Variants in GNG4 observed in about 807,000 individuals in gnomAD.
GNG4 encodes the protein guanine nucleotide-binding protein G(I)/G(S)/G(O) subunit gamma-4.
In GNG4, 4 loss-of-function variants were observed where a neutral mutation model predicts 5.8. The ratio of observed to expected loss-of-function variants is 0.69; its 90% CI spans 0.34 to 1.57. The LOEUF is 1.57. GNG4 is among the 40% of genes most tolerant of loss of function. The pLI is 0.06. For synonymous variants in GNG4, 29 were observed against 32.9 expected (o/e 0.88, Z 0.41); for missense variants, 96 against 95.1 (o/e 1.01, Z -0.04).
At chr1:235,602,796 G>A (rs1488677748) in intron 1 of GNG4, among the ~76,000 whole-genome samples, 2 of 152,148 alleles carry the variant, frequency 1.3e-5, no homozygotes, top group African/African-American at 4.8e-5. Context: ...CAACATTCAG[G>A]CTGGGTTCTC....
intron 1 of GNG4, among the ~76,000 whole-genome samples, chr1:235,624,047 G>T (rs147117561): frequency 6.6e-6 from 1 of 152,106 alleles, no homozygotes. Flanking sequence ...CCTGAAGAGC[G>T]TGGCTCTAGC....
chr1:235,597,588 CTG>C (rs386417904), intron 1 of GNG4, among the ~76,000 whole-genome samples: 1,796 of 74,138 alleles, frequency 0.024, 43 homozygotes, highest in East Asian at 0.053. Flanking sequence ...AACTTGTTTG[CTG>C]TGTGTGTGTG....
chr1:235,631,224 G>C (rs1688925584), intron 1 of GNG4, among the ~76,000 whole-genome samples: 1 of 152,116 alleles, frequency 6.6e-6, no homozygotes, highest in African/African-American at 2.4e-5. Flanking sequence ...AACTGATCAA[G>C]TATTTTTTCT....
chr1:235,613,037 C>T (rs1424222024), intron 1 of GNG4, among the ~76,000 whole-genome samples: 4 of 151,832 alleles, frequency 2.6e-5, no homozygotes, highest in Non-Finnish European at 1.5e-5. Context: ...GCTCTGCCCC[C>T]ATGATCTAAT....
At chr1:235,624,011 G>A (rs542952828) in intron 1 of GNG4, among the ~76,000 whole-genome samples, 1 of 152,286 alleles carries the variant, frequency 6.6e-6, no homozygotes, top group South Asian at 2.1e-4. Flanking sequence ...CCTTTGCCTG[G>A]CCAGAGTACA....
chr1:235,582,749 G>A (rs1687667828), intron 3 of GNG4, among the ~76,000 whole-genome samples: 1 of 152,308 alleles, frequency 6.6e-6, no homozygotes, highest in Admixed American at 6.5e-5. Flanking sequence ...CTAGTAACAT[G>A]GGTCCGGTGA....
chr1:235,643,146 C>T (rs1657386753), intron 1 of GNG4, among the ~76,000 whole-genome samples: 1 of 152,214 alleles, frequency 6.6e-6, no homozygotes, highest in African/African-American at 2.4e-5. Flanking sequence ...GTGGGGCCTG[C>T]TGCTTCCTGC....
rs1686628797 is a variant in GNG4, at chr1:235,548,122, G to A, written c.*3987C>T. ...TTCCTGTTCGGGGTTATTATGGAGA[G>A]TGTTTTTGTGAAGATTTAGAGCATG... On this transcript the variant is annotated 3_prime_UTR_variant, in exon 4 of 4. Coordinates refer to ENST00000391854, the MANE Select transcript of GNG4 (RefSeq NM_001098722.2). 1 of 152,178 alleles carries A rather than the reference G, an allele frequency of 6.6e-6. No homozygotes were observed. The highest frequency in any genetic ancestry group is 2.4e-5 in the African/African-American group (1 of 41,406). The allele number at this position is 152,178 out of a possible 1,614,324, so 9.4% of individuals were successfully genotyped here. A position where few individuals can be genotyped will look rare whatever the true frequency, so the allele number is the denominator to read the frequency against.
At chr1:235,627,924 T>A (rs1388131946) in intron 1 of GNG4, among the ~76,000 whole-genome samples, 1 of 152,212 alleles carries the variant, frequency 6.6e-6, no homozygotes, top group Non-Finnish European at 1.5e-5. Flanking sequence ...CTCATGCCTA[T>A]AATCTCAGCA....
At chr1:235,552,283 A>C in intron 3 of GNG4, 46 bp from the exon 4 acceptor site, 2 of 1,598,592 alleles carry the variant, frequency 1.3e-6, no homozygotes, top group Non-Finnish European at 1.7e-6. Context: ...GCCCCTTTGC[A>C]GAGTGAGTCC....
At chr1:235,599,474 G>A (rs1054688786) in intron 1 of GNG4, among the ~76,000 whole-genome samples, 3 of 151,912 alleles carry the variant, frequency 2.0e-5, no homozygotes, top group Middle Eastern at 3.4e-3. Flanking sequence ...GAGCCAACAC[G>A]CCTGGCTAAT....
Position 235,551,985 on chromosome 1 carries a change from G to A in GNG4, c.*124C>T, listed in dbSNP as rs1686761695. Reference sequence around the variant, plus strand: ...GAAAACAGATGGAAACATAAGACAAGCCCCGGCCACTGTTGGCTGGGCAGG... The same window carrying A: ...GAAAACAGATGGAAACATAAGACAAACCCCGGCCACTGTTGGCTGGGCAGG... On this transcript the variant is annotated 3_prime_UTR_variant, in exon 4 of 4. Coordinates refer to ENST00000391854, the MANE Select transcript of GNG4 (RefSeq NM_001098722.2). The A allele has an allele frequency of 5.6e-6, 4 of 713,132 alleles. No homozygotes were observed. The highest frequency in any genetic ancestry group is 2.0e-5 in the South Asian group (1 of 48,836). 44.2% of individuals were successfully genotyped at this position (713,132 alleles called of 1,614,324 possible).
chr1:235,556,505 CT>C, intron 3 of GNG4, among the ~76,000 whole-genome samples: 1 of 144,414 alleles, frequency 6.9e-6, no homozygotes, highest in East Asian at 2.1e-4. Flanking sequence ...TTGCAGTGAG[CT>C]GAGGTCGCGC....
Position 235,642,300 on chromosome 1 carries a change from G to A in GNG4, c.-123+7362C>T, listed in dbSNP as rs965822752. ...AGGGCCAAGGCCAGCCCTCCGCCTC[G>A]AGGCCACTGGTGCTTGGGGGTGGGA... On this transcript the variant is annotated intron_variant, in intron 1 of 3. Transcript: ENST00000391854. This position sits in a 1 kb window ranked among gnomAD's most constrained non-coding sequence, Gnocchi z 4.3. 6.6e-6 allele frequency among the ~76,000 whole-genome samples: 1 copy of A among 152,176 alleles called. No individual in the cohort carries two copies. The highest frequency in any genetic ancestry group is 2.4e-5 in the African/African-American group (1 of 41,440).
chr1:235,598,466 G>T (rs1320666888), intron 1 of GNG4, among the ~76,000 whole-genome samples: 1 of 152,038 alleles, frequency 6.6e-6, no homozygotes, highest in Non-Finnish European at 1.5e-5. Context: ...AAAATTATCT[G>T]GGTGTGGTGG....
chr1:235,587,682 T>A (rs1484931644), intron 2 of GNG4, among the ~76,000 whole-genome samples: 1 of 26,674 alleles, frequency 3.7e-5, no homozygotes. Context: ...GTGGGGTATG[T>A]GTGCGAGTGT....
At chr1:235,553,554 T>C (rs1354344445) in intron 3 of GNG4, among the ~76,000 whole-genome samples, 3 of 152,192 alleles carry the variant, frequency 2.0e-5, no homozygotes, top group African/African-American at 7.2e-5. Context: ...AAAAATTGGC[T>C]CATCTTTCAG....
In GNG4 at chr1:235,552,074, G is replaced by T; in HGVS notation, c.*35C>A. Reference sequence around the variant, plus strand: ...CATGGTCTCTACAGGGGACTTTGAAGGTCAGAAAAGGAGGCGTTTTCATCA... The same window carrying T: ...CATGGTCTCTACAGGGGACTTTGAATGTCAGAAAAGGAGGCGTTTTCATCA... On this transcript the variant is annotated 3_prime_UTR_variant, in exon 4 of 4. Transcript: ENST00000391854. 6.2e-7 allele frequency: 1 copy of T among 1,607,912 alleles called. No individual in the cohort carries two copies. The highest frequency in any genetic ancestry group is 8.5e-7 in the Non-Finnish European group (1 of 1,175,046).
chr1:235,593,793 G>GA (rs1688050803), intron 2 of GNG4, among the ~76,000 whole-genome samples: 1 of 152,112 alleles, frequency 6.6e-6, no homozygotes, highest in Non-Finnish European at 1.5e-5. Flanking sequence ...TGGTCTCGCT[G>GA]GCTTCAGGAG....
Sources: allele counts gnomAD v4.1 joint callset (sites outside exome capture counted in the v4.1 genomes callset), GRCh38; gene constraint gnomAD v4.1.1; non-coding constraint Gnocchi (gnomAD v3.1); transcripts MANE v1.5; gene names NCBI Gene and HGNC (gene_info 2026-07-23, HGNC 2026-07-21).